IQSEC2: variants seen among roughly 807,000 people sequenced by gnomAD.
IQSEC2 encodes the protein IQ motif and Sec7 domain ArfGEF 2.
In IQSEC2, 6 loss-of-function variants were observed where a neutral mutation model predicts 74.6. That is an observed-to-expected ratio of 0.08 (90% CI 0.04 to 0.16). The LOEUF (loss-of-function observed/expected upper bound fraction) is 0.16. Ranked by LOEUF, IQSEC2 falls within the 10% of genes least tolerant of loss-of-function variation. The pLI is 1.00. For missense variants in IQSEC2, 734 were observed against 1,306.2 expected (o/e 0.56, Z 6.75); for synonymous variants, 494 against 544.5 (o/e 0.91, Z 1.29).
intron 2 of IQSEC2, among the ~76,000 whole-genome samples, chrX:53,263,024 C>T (rs782353350): frequency 8.9e-6 from 1 of 112,107 alleles, no homozygotes; most frequent in Non-Finnish European, 1.9e-5. Context: ...TATCTGAACA[C>T]AAAGCCCGTG....
intron 2 of IQSEC2, among the ~76,000 whole-genome samples, chrX:53,282,158 T>C (rs1040132053): frequency 2.7e-5 from 3 of 112,833 alleles, no homozygotes; most frequent in Non-Finnish European, 5.6e-5. Flanking sequence ...GCTCTCACTC[T>C]TCTATGTTGT....
chrX:53,317,164 G>C (rs782795288), intron 1 of IQSEC2, among the ~76,000 whole-genome samples: 1 of 111,990 alleles, frequency 8.9e-6, no homozygotes, highest in South Asian at 3.7e-4. Flanking sequence ...GGCTTGGGGG[G>C]GTATGTGGAC....
chrX:53,242,853 A>G (rs781982615), intron 9 of IQSEC2, among the ~76,000 whole-genome samples: 14 of 111,581 alleles, frequency 1.3e-4, no homozygotes, highest in African/African-American at 4.6e-4. Context: ...CTCCTGCCTC[A>G]GCCTCCTGAG....
At chrX:53,290,632 G>A (rs1479057285) in intron 2 of IQSEC2, among the ~76,000 whole-genome samples, 3 of 111,842 alleles carry the variant, frequency 2.7e-5, no homozygotes, top group Non-Finnish European at 5.7e-5. Context: ...CCCCTTTCCT[G>A]GACACTGGGA....
Position 53,235,169 on chromosome X carries a change from T to C in IQSEC2, c.3517A>G (p.Ser1173Gly). The change falls in exon 15 of 15, where the codon AGT (serine) becomes GGT (glycine). Residue 1173 changes from serine (S) to glycine (G), a missense_variant. By Grantham distance (56) the Ser-to-Gly change is moderately conservative. This residue lies in a region of IQSEC2 where 249 missense variants were observed against 467.9 expected (regional missense o/e 0.53). Transcript: ENST00000642864. ...GGCATCCTCTGGTGAGGGCGTGGAC[T>C]GCTAATAACAGACCCCTGGAAGCGG... ...DSTIEGSVIS[S>G]PRPHQRMPPP... The C allele has an allele frequency of 8.6e-7, 1 of 1,162,875 alleles. No individual in the cohort carries two copies. The highest frequency in any genetic ancestry group is 1.1e-6 in the Non-Finnish European group (1 of 870,802).
intron 2 of IQSEC2, among the ~76,000 whole-genome samples, chrX:53,281,246 C>T (rs1289543672): frequency 8.9e-6 from 1 of 112,618 alleles, no homozygotes; most frequent in Non-Finnish European, 1.9e-5. Context: ...AGGGTAGGAG[C>T]CAAGCTCACC....
intron 2 of IQSEC2, among the ~76,000 whole-genome samples, chrX:53,260,406 G>A (rs183327186): frequency 8.9e-6 from 1 of 111,942 alleles, no homozygotes; most frequent in African/African-American, 3.2e-5. Context: ...GGGCCAAATC[G>A]GAAAGGGCAT....
intron 2 of IQSEC2, among the ~76,000 whole-genome samples, chrX:53,268,422 A>C (rs2074692092): frequency 9.0e-6 from 1 of 111,422 alleles, no homozygotes; most frequent in Non-Finnish European, 1.9e-5. Flanking sequence ...CACATGAAGC[A>C]GGGCGCAAGT....
At chrX:53,283,714 C>T (rs918919982) in intron 2 of IQSEC2, among the ~76,000 whole-genome samples, 6 of 111,949 alleles carry the variant, frequency 5.4e-5, no homozygotes, top group Non-Finnish European at 9.4e-5. Flanking sequence ...GACCCAGCCA[C>T]GGGACACTGG....
At chrX:53,265,793 C>T (rs1279750515) in intron 2 of IQSEC2, among the ~76,000 whole-genome samples, 1 of 111,843 alleles carries the variant, frequency 8.9e-6, no homozygotes, top group Non-Finnish European at 1.9e-5. Flanking sequence ...TCAGAGATCC[C>T]TAAAGTTGTA....
downstream of IQSEC2, chrX:53,231,080 CATTT>C (rs1384421131): frequency 1.8e-5 from 2 of 112,860 alleles, no homozygotes; most frequent in Admixed American, 9.3e-5. Flanking sequence ...TTCATTCATT[CATTT>C]GATCAACAAA....
chrX:53,293,374 T>A (rs2075121356), intron 1 of IQSEC2, among the ~76,000 whole-genome samples: 1 of 112,156 alleles, frequency 8.9e-6, no homozygotes, highest in Non-Finnish European at 1.9e-5. Context: ...GCCTGGCACA[T>A]GGTACATGCT....
intron 2 of IQSEC2, among the ~76,000 whole-genome samples, chrX:53,270,313 C>G (rs1489915721): frequency 9.0e-6 from 1 of 111,191 alleles, no homozygotes; most frequent in Non-Finnish European, 1.9e-5. Context: ...TGATGTTGCC[C>G]CTACCATCTC....
intron 2 of IQSEC2, among the ~76,000 whole-genome samples, chrX:53,287,934 C>G (rs1294968749): frequency 8.9e-6 from 1 of 112,140 alleles, no homozygotes. Context: ...TCTGACTCCT[C>G]TAGACTTCTG....
At chrX:53,292,224 T>C (rs781921830) in intron 1 of IQSEC2, among the ~76,000 whole-genome samples, 2 of 111,737 alleles carry the variant, frequency 1.8e-5, no homozygotes, top group East Asian at 2.8e-4. Flanking sequence ...TGGGGCCTAG[T>C]GGATCACAGT....
chrX:53,257,308 G>A (rs918339345), intron 2 of IQSEC2, among the ~76,000 whole-genome samples: 4 of 112,935 alleles, frequency 3.5e-5, no homozygotes, highest in Non-Finnish European at 5.6e-5. Context: ...CAGCCTTGCA[G>A]CAGAGCGCTT....
At chrX:53,279,931 GAGGA>G (rs3842484) in intron 2 of IQSEC2, among the ~76,000 whole-genome samples, 6 of 32,957 alleles carry the variant, frequency 1.8e-4, no homozygotes, top group African/African-American at 7.6e-4. Flanking sequence ...GGGAGGGAGG[GAGGA>G]AGGAAGGAAG....
chrX:53,247,218 A>C, intron 7 of IQSEC2, 83 bp from the exon 8 acceptor site: 1 of 929,162 alleles, frequency 1.1e-6, no homozygotes, highest in African/African-American at 1.9e-5. Flanking sequence ...GGCACCAGCA[A>C]CCCTTTCCTG....
At chrX:53,267,130 G>T in intron 2 of IQSEC2, 1 of 1,117,531 alleles carries the variant, frequency 8.9e-7, no homozygotes, top group Non-Finnish European at 1.2e-6. Flanking sequence ...AGAGGCATTA[G>T]TTTGCAGAGC....
Sources: gnomAD v4.1 joint callset for allele counts (sites outside exome capture counted in the v4.1 genomes callset) on GRCh38, gnomAD v4.1.1 for gene constraint, gnomAD v4.1.1 regional missense constraint, MANE v1.5 for transcripts, NCBI Gene and HGNC (gene_info 2026-07-23, HGNC 2026-07-21) for gene names.